BMERB1: variants seen among roughly 807,000 people sequenced by gnomAD.
The protein encoded by BMERB1 is bMERB domain containing 1.
BMERB1 carries 12 observed loss-of-function variants against 23.6 expected under a neutral mutation model. That is an observed-to-expected ratio of 0.51 (90% CI 0.33 to 0.82). The LOEUF is 0.82. Ranked by LOEUF, BMERB1 falls within the 40% of genes least tolerant of loss-of-function variation. The pLI is 0.03. For missense variants in BMERB1, 247 were observed against 255.4 expected (o/e 0.97, Z 0.22); for synonymous variants, 122 against 96.6 (o/e 1.26, Z -1.54).
At chr16:15,498,128 C>T (rs1408610600) in intron 1 of BMERB1, among the ~76,000 whole-genome samples, 1 of 152,034 alleles carries the variant, frequency 6.6e-6, no homozygotes, top group Non-Finnish European at 1.5e-5. Flanking sequence ...TGCTGGGTCT[C>T]CTCCAGGGAG....
chr16:15,513,239 C>G (rs2051695060), intron 1 of BMERB1, among the ~76,000 whole-genome samples: 1 of 152,174 alleles, frequency 6.6e-6, no homozygotes, highest in South Asian at 2.1e-4. Context: ...CTGGAACATT[C>G]TTACGGTGAA....
chr16:15,544,259 T>G (rs1161405449), intron 2 of BMERB1, among the ~76,000 whole-genome samples: 4 of 152,186 alleles, frequency 2.6e-5, no homozygotes, highest in Admixed American at 1.3e-4. Flanking sequence ...GTTCCCTCAT[T>G]AATGGGTTAA....
chr16:15,478,985 C>T (rs1387720225), intron 1 of BMERB1, among the ~76,000 whole-genome samples: 1 of 152,138 alleles, frequency 6.6e-6, no homozygotes, highest in Non-Finnish European at 1.5e-5. Context: ...AACTAGCTGC[C>T]TTTTGTCTTT....
chr16:15,584,595 C>A (rs1456256491), intron 5 of BMERB1, among the ~76,000 whole-genome samples: 1 of 151,706 alleles, frequency 6.6e-6, no homozygotes, highest in Non-Finnish European at 1.5e-5. Context: ...GAAATGGATG[C>A]CCAATTCAAA....
intron 3 of BMERB1, among the ~76,000 whole-genome samples, chr16:15,569,405 G>T (rs1447302675): frequency 6.6e-6 from 1 of 152,072 alleles, no homozygotes; most frequent in Non-Finnish European, 1.5e-5. Flanking sequence ...GCAAGAGAGT[G>T]AGGCGGGAGG....
At chr16:15,554,341 A>G (rs975390495) in intron 2 of BMERB1, among the ~76,000 whole-genome samples, 1 of 152,144 alleles carries the variant, frequency 6.6e-6, no homozygotes, top group Non-Finnish European at 1.5e-5. Context: ...TCCTTACCTC[A>G]TAGAGTTGCT....
intron 1 of BMERB1, among the ~76,000 whole-genome samples, chr16:15,486,616 T>C (rs545858855): frequency 5.3e-5 from 8 of 152,326 alleles, no homozygotes; most frequent in African/African-American, 1.9e-4. Flanking sequence ...TGTATCAACA[T>C]GATCGTGTTA....
chr16:15,539,064 T>G (rs2052054453), intron 2 of BMERB1, among the ~76,000 whole-genome samples: 2 of 152,202 alleles, frequency 1.3e-5, no homozygotes, highest in Non-Finnish European at 2.9e-5. Context: ...TTTATTTCTA[T>G]CATTATTACT....
chr16:15,439,364 A>G (rs898939478), intron 1 of BMERB1, among the ~76,000 whole-genome samples: 1 of 280 alleles, frequency 3.6e-3, no homozygotes, highest in Non-Finnish European at 0.011. Context: ...AGATGAGATA[A>G]TGTATATAAT....
rs548902416 is a variant in BMERB1, at chr16:15,496,175, A to C, written c.107-19130A>C. Among the ~76,000 whole-genome samples the C allele has an allele frequency of 1.5e-3, 220 of 149,788 alleles. 1 individual carries two copies. Among genetic ancestry groups the C allele is most frequent in the Non-Finnish European group, 1.7e-3 (113 of 67,648 alleles). ...ACAGTGATGTGCTAGTGATGGTGAT[A>C]ATGACAGTGATGGTGGTGATAGTGA... On this transcript the variant is annotated intron_variant, in intron 1 of 5. Transcript: ENST00000300006.
chr16:15,563,277 G>A (rs913833908), intron 2 of BMERB1, among the ~76,000 whole-genome samples: 4 of 151,796 alleles, frequency 2.6e-5, no homozygotes, highest in African/African-American at 9.7e-5. Context: ...GCCCAGTGCA[G>A]TGGCGCAATC....
intron 2 of BMERB1, among the ~76,000 whole-genome samples, chr16:15,542,149 C>T (rs535138825): frequency 5.3e-5 from 8 of 151,320 alleles, no homozygotes; most frequent in Non-Finnish European, 7.4e-5. Flanking sequence ...CTGCAACCTC[C>T]GCCTCCCAGG....
chr16:15,466,212 A>G (rs774807629), intron 1 of BMERB1, among the ~76,000 whole-genome samples: 1 of 152,204 alleles, frequency 6.6e-6, no homozygotes, highest in Non-Finnish European at 1.5e-5. Context: ...AGGTGGTAAT[A>G]ATCACCATTT....
chr16:15,495,315 C>T (rs2051462995), intron 1 of BMERB1, among the ~76,000 whole-genome samples: 1 of 152,172 alleles, frequency 6.6e-6, no homozygotes. Context: ...CCTGCCTCAG[C>T]CTCCCAAGTA....
intron 1 of BMERB1, among the ~76,000 whole-genome samples, chr16:15,444,140 T>TTTTTG (rs2050969438): frequency 7.7e-6 from 1 of 129,040 alleles, no homozygotes; most frequent in Non-Finnish European, 1.7e-5. Context: ...TTTTTTTTTT[T>TTTTTG]TTTTTTTTTT....
rs763411988 is a variant in BMERB1 at position 15,583,257 on chromosome 16, C to A, written c.502+19C>A. On this transcript the variant is annotated intron_variant, in intron 5 of 5. Transcript: ENST00000300006. Reference sequence around the variant, plus strand: ...CCAGCCAGTGAGTATATACATTATTCATTCCCCTCCCCCACAAAAGAGAAA... The same window carrying A: ...CCAGCCAGTGAGTATATACATTATTAATTCCCCTCCCCCACAAAAGAGAAA... 2.0e-5 allele frequency: 31 copies of A among 1,539,496 alleles called. No individual in the cohort carries two copies. In the Admixed American group the frequency reaches 3.5e-4, roughly 17 times the overall value.
At chr16:15,505,887 CAAAA>C (rs754187273) in intron 1 of BMERB1, among the ~76,000 whole-genome samples, 1 of 55,620 alleles carries the variant, frequency 1.8e-5, no homozygotes, top group Admixed American at 2.2e-4. Flanking sequence ...GACGCCGTTT[CAAAA>C]AAAAAAAAAA....
chr16:15,435,121 G>A (rs1392788631), intron 1 of BMERB1, among the ~76,000 whole-genome samples: 1 of 152,244 alleles, frequency 6.6e-6, no homozygotes, highest in African/African-American at 2.4e-5. Context: ...ATGCGCCAGG[G>A]CGCTGGAGAC....
At chr16:15,560,068 A>G (rs2030375142) in intron 2 of BMERB1, among the ~76,000 whole-genome samples, 1 of 152,132 alleles carries the variant, frequency 6.6e-6, no homozygotes, top group South Asian at 2.1e-4. Context: ...CTTTAGCGGA[A>G]GGTGTGTGGA....
Sources: gnomAD v4.1 joint callset for allele counts (sites outside exome capture counted in the v4.1 genomes callset) on GRCh38, gnomAD v4.1.1 for gene constraint, MANE v1.5 for transcripts, NCBI Gene and HGNC (gene_info 2026-07-23, HGNC 2026-07-21) for gene names.